Variants in CDYL2 observed in about 807,000 individuals in gnomAD.
The protein encoded by CDYL2 is chromodomain Y-like protein 2.
CDYL2 carries 23 observed loss-of-function variants against 49.4 expected under a neutral mutation model. The observed-to-expected ratio is 0.47, with a 90% CI of 0.34 to 0.66. The LOEUF is 0.66. Among genes scored for constraint, CDYL2 ranks in the 30% least tolerant of loss-of-function variants. CDYL2 has a pLI of 0.01. For synonymous variants in CDYL2, 360 were observed against 268.8 expected, an observed-to-expected ratio of 1.34 and a Z score of -3.32; for missense variants, 678 against 656.4, an observed-to-expected ratio of 1.03 and a Z score of -0.36.
chr16:80,693,744 A>G (rs7202345), intron 1 of CDYL2, among the ~76,000 whole-genome samples: 85,531 of 151,952 alleles, frequency 0.56, 24,863 homozygotes, highest in Middle Eastern at 0.72. Flanking sequence ...GCGTGGTCCT[A>G]TGGGGGTGGA....
chr16:80,771,158 G>A (rs1423536147), intron 1 of CDYL2, among the ~76,000 whole-genome samples: 5 of 152,232 alleles, frequency 3.3e-5, no homozygotes, highest in African/African-American at 9.6e-5. Context: ...TCTGATAAAA[G>A]CAGATGAAAA....
chr16:80,617,986 T>C (rs944489214), intron 4 of CDYL2, among the ~76,000 whole-genome samples: 6 of 152,258 alleles, frequency 3.9e-5, no homozygotes, highest in African/African-American at 1.4e-4. Context: ...TTGCCAAGCA[T>C]CAGGGTCTTG....
At position 80,684,625 on chromosome 16, in the gene CDYL2, G is replaced by C; in HGVS notation, c.529C>G (p.Pro177Ala). The C allele has an allele frequency of 6.2e-7, 1 of 1,614,168 alleles. No homozygotes were observed. Among genetic ancestry groups the C allele is most frequent in the Non-Finnish European group, 8.5e-7 (1 of 1,180,018 alleles). The change falls in exon 2 of 7, where the codon CCT becomes GCT. Residue 177 changes from proline to alanine, a missense_variant. Transcript: ENST00000570137. Reference sequence around the variant, plus strand: ...ACATGATCATTCAAATCCAAGCCAGGCTGATGGGACCCATTTCCAAAGTGC... The same window carrying C: ...ACATGATCATTCAAATCCAAGCCAGCCTGATGGGACCCATTTCCAAAGTGC... ...ERHFGNGSHQPGLDLNDHVGE... is the reference protein window; with the variant it reads ...ERHFGNGSHQAGLDLNDHVGE...
chr16:80,760,434 G>C (rs750465739), intron 1 of CDYL2, among the ~76,000 whole-genome samples: 1 of 152,150 alleles, frequency 6.6e-6, no homozygotes, highest in African/African-American at 2.4e-5. Context: ...ACAACAGGGT[G>C]ACTATAGTCA....
Position 80,804,160 on chromosome 16 carries a change from TC to T in CDYL2, c.13del (p.Asp5ThrfsTer9), listed in dbSNP as rs1468927253. 3 of 1,287,384 alleles carry T rather than the reference TC, an allele frequency of 2.3e-6. No individual in the cohort carries two copies. Among genetic ancestry groups the T allele is most frequent in the Non-Finnish European group, 3.0e-6 (3 of 987,330 alleles). The allele number at this position is 1,287,384 out of a possible 1,614,324, so 79.7% of individuals were successfully genotyped here. ...CCCGCGTCCCCGTACCTCGTAAAGG[TC>T]CCCAGAAGCCATGCCAGGCTGCGGA... The part of the protein sequence containing the change: MASG[D>X]LYEVERIVDK... On this transcript the variant is annotated frameshift_variant, in exon 1 of 7. Transcript: ENST00000570137. LOFTEE classifies it high-confidence loss of function.
intron 1 of CDYL2, among the ~76,000 whole-genome samples, chr16:80,696,797 A>G (rs1012309994): frequency 1.3e-5 from 2 of 152,102 alleles, no homozygotes; most frequent in African/African-American, 4.8e-5. Flanking sequence ...ACTTTTAAAG[A>G]AGGACTCTAA....
chr16:80,753,425 A>G (rs1357380041), intron 1 of CDYL2, among the ~76,000 whole-genome samples: 1 of 152,080 alleles, frequency 6.6e-6, no homozygotes, highest in Non-Finnish European at 1.5e-5. Flanking sequence ...CCTGACCAAC[A>G]TGGAGAAACC....
intron 2 of CDYL2, among the ~76,000 whole-genome samples, chr16:80,651,513 A>C (rs550441886): frequency 1.3e-5 from 2 of 152,228 alleles, no homozygotes; most frequent in Non-Finnish European, 2.9e-5. Flanking sequence ...ATGATACTAC[A>C]ATGGAGAATA....
chr16:80,615,956 T>C (rs897783551), intron 4 of CDYL2, among the ~76,000 whole-genome samples: 1 of 152,222 alleles, frequency 6.6e-6, no homozygotes, highest in Non-Finnish European at 1.5e-5. Flanking sequence ...CTCCGATATC[T>C]GATCCTTCTG....
At chr16:80,706,680 A>G (rs1904416372) in intron 1 of CDYL2, among the ~76,000 whole-genome samples, 1 of 152,210 alleles carries the variant, frequency 6.6e-6, no homozygotes, top group Non-Finnish European at 1.5e-5. Context: ...CCACAAGTGT[A>G]CAAGAAATGC....
At chr16:80,682,035 G>A (rs1230684231) in intron 2 of CDYL2, among the ~76,000 whole-genome samples, 1 of 152,228 alleles carries the variant, frequency 6.6e-6, no homozygotes, top group Non-Finnish European at 1.5e-5. Flanking sequence ...CACCCAGGAA[G>A]TTTGTTAACA....
In CDYL2 at chr16:80,600,684, A is replaced by T. The variant is rs1050421826; in HGVS notation, c.*3704T>A. ...AAGCAATTCTGCATTTTAAATATTC[A>T]CTTAGGAAGATTTGAAGATGTTTCT... On this transcript the variant is annotated 3_prime_UTR_variant, in exon 7 of 7. Coordinates refer to ENST00000570137, the MANE Select transcript of CDYL2 (RefSeq NM_152342.4). 1 of 152,194 alleles carries T rather than the reference A, an allele frequency of 6.6e-6. No homozygotes were observed. The highest frequency in any genetic ancestry group is 2.4e-5 in the African/African-American group (1 of 41,466). 9.4% of individuals were successfully genotyped at this position (152,194 alleles called of 1,614,324 possible).
chr16:80,671,414 C>T (rs1909503089), intron 2 of CDYL2, among the ~76,000 whole-genome samples: 1 of 152,186 alleles, frequency 6.6e-6, no homozygotes, highest in Non-Finnish European at 1.5e-5. Flanking sequence ...CAGGGGGTTC[C>T]CTGCCACCCA....
At chr16:80,692,820 G>A (rs1446534101) in intron 1 of CDYL2, among the ~76,000 whole-genome samples, 1 of 152,260 alleles carries the variant, frequency 6.6e-6, no homozygotes, top group East Asian at 1.9e-4. Flanking sequence ...ACATGTTTGT[G>A]TATATTGACA....
intron 1 of CDYL2, among the ~76,000 whole-genome samples, chr16:80,772,868 AAAGT>A (rs1290840908): frequency 6.6e-6 from 1 of 152,240 alleles, no homozygotes; most frequent in Non-Finnish European, 1.5e-5. Context: ...CAGTCAATAA[AAAGT>A]AAGGCATGAA....
At chr16:80,768,846 A>C (rs1214427962) in intron 1 of CDYL2, among the ~76,000 whole-genome samples, 2 of 152,216 alleles carry the variant, frequency 1.3e-5, no homozygotes, top group East Asian at 3.8e-4. Context: ...TATTTGTAAA[A>C]GATGCTTTAG....
At chr16:80,663,911 G>A (rs962516925) in intron 2 of CDYL2, among the ~76,000 whole-genome samples, 1 of 152,164 alleles carries the variant, frequency 6.6e-6, no homozygotes, top group Non-Finnish European at 1.5e-5. Flanking sequence ...AAAGCATTCA[G>A]CAGTGTAAAG....
chr16:80,758,011 A>G (rs1319399650), intron 1 of CDYL2, among the ~76,000 whole-genome samples: 2 of 152,176 alleles, frequency 1.3e-5, no homozygotes, highest in East Asian at 3.8e-4. Flanking sequence ...TTTACTATAA[A>G]TAAATAAATA....
intron 4 of CDYL2, among the ~76,000 whole-genome samples, chr16:80,619,108 G>A (rs923399073): frequency 6.6e-6 from 1 of 152,088 alleles, no homozygotes; most frequent in Non-Finnish European, 1.5e-5. Flanking sequence ...TCCTTGGCTT[G>A]AGGCTGCATG....
Sources: gnomAD v4.1 joint callset for allele counts (sites outside exome capture counted in the v4.1 genomes callset) on GRCh38, gnomAD v4.1.1 for gene constraint, MANE v1.5 for transcripts, NCBI Gene and HGNC (gene_info 2026-07-23, HGNC 2026-07-21) for gene names.